Variants in EXOC6B observed in about 807,000 individuals in gnomAD.
EXOC6B encodes the protein SEC15 homolog B.
A neutral mutation model predicts 113.5 loss-of-function variants in EXOC6B; 54 were observed. That is an observed-to-expected ratio of 0.48 (90% CI 0.38 to 0.60). EXOC6B has a LOEUF of 0.60. Among genes scored for constraint, EXOC6B ranks in the 20% least tolerant of loss-of-function variants. The pLI, the probability that EXOC6B is intolerant of heterozygous loss-of-function variation, is 0.00. For missense variants in EXOC6B, 797 were observed against 977.5 expected, an observed-to-expected ratio of 0.82 and a Z score of 2.46; for synonymous variants, 357 against 339.0, an observed-to-expected ratio of 1.05 and a Z score of -0.58.
At chr2:72,591,403 A>G (rs1705950104) in intron 6 of EXOC6B, among the ~76,000 whole-genome samples, 1 of 152,142 alleles carries the variant, frequency 6.6e-6, no homozygotes, top group Admixed American at 6.5e-5. Context: ...GAGACACACA[A>G]TATTAAGAAA....
At chr2:72,790,961 TG>T (rs1302872778) in intron 1 of EXOC6B, among the ~76,000 whole-genome samples, 1 of 151,886 alleles carries the variant, frequency 6.6e-6, no homozygotes, top group African/African-American at 2.4e-5. Flanking sequence ...AAGGGGAGGA[TG>T]GGGAGCCATG....
intron 17 of EXOC6B, among the ~76,000 whole-genome samples, chr2:72,469,694 C>T (rs926425185): frequency 2.6e-5 from 4 of 151,792 alleles, no homozygotes; most frequent in Admixed American, 2.0e-4. Context: ...GAACATGGTG[C>T]GTCTTGGTGA....
chr2:72,201,260 CT>C (rs1679473591), intron 20 of EXOC6B, among the ~76,000 whole-genome samples: 1 of 152,038 alleles, frequency 6.6e-6, no homozygotes, highest in Non-Finnish European at 1.5e-5. Flanking sequence ...CAGAAGTATA[CT>C]TAAATATACT....
chr2:72,367,460 G>A (rs1420151933), intron 19 of EXOC6B, among the ~76,000 whole-genome samples: 2 of 152,116 alleles, frequency 1.3e-5, no homozygotes, highest in Non-Finnish European at 2.9e-5. Context: ...GGAATAAGAT[G>A]GTAGAATATA....
In EXOC6B at chr2:72,560,507, TATTTCATA is replaced by T. The variant is rs574495746; in HGVS notation, c.847-994_847-987del. 1.1e-3 allele frequency among the ~76,000 whole-genome samples: 170 copies of T among 152,262 alleles called. 2 individuals carry two copies. In the South Asian group the frequency reaches 0.022, roughly 20 times the overall value. ...TCATAATTACAAGGTCATTTTCCCTTATTTCATAAAGTAAACCTCATTTCTTCTTTTGG... is the reference window on the plus strand; with the variant it reads ...TCATAATTACAAGGTCATTTTCCCTTAAGTAAACCTCATTTCTTCTTTTGG... On this transcript the variant is annotated intron_variant, in intron 7 of 21. Transcript: ENST00000272427.
intron 6 of EXOC6B, among the ~76,000 whole-genome samples, chr2:72,590,123 G>A (rs1238718308): frequency 6.6e-6 from 1 of 151,924 alleles, no homozygotes; most frequent in Non-Finnish European, 1.5e-5. Flanking sequence ...TAATGTTGTG[G>A]ATAGAAGTCA....
intron 8 of EXOC6B, among the ~76,000 whole-genome samples, chr2:72,557,105 C>T (rs754892998): frequency 6.0e-5 from 9 of 151,058 alleles, no homozygotes; most frequent in East Asian, 1.9e-4. Flanking sequence ...AGATCCATAG[C>T]GCAACATCAT....
chr2:72,257,398 A>G (rs1405845805), intron 20 of EXOC6B, among the ~76,000 whole-genome samples: 4 of 152,204 alleles, frequency 2.6e-5, no homozygotes, highest in Admixed American at 2.6e-4. Flanking sequence ...CAAACAGACA[A>G]TATTAGTATT....
At chr2:72,618,483 C>G (rs1181346105) in intron 6 of EXOC6B, among the ~76,000 whole-genome samples, 1 of 152,130 alleles carries the variant, frequency 6.6e-6, no homozygotes, top group Non-Finnish European at 1.5e-5. Flanking sequence ...CCCACCTATA[C>G]CCTTCTTCAA....
chr2:72,394,864 A>G lies in EXOC6B; in HGVS notation c.1981-14994T>C, dbSNP rs565192008. Reference sequence around the variant, plus strand: ...GTTCTCTCTTACTACACACATTTACAGTCACTGGCTTGGTTTCAAGACACA... The same window carrying G: ...GTTCTCTCTTACTACACACATTTACGGTCACTGGCTTGGTTTCAAGACACA... On this transcript the variant is annotated intron_variant, in intron 18 of 21. Coordinates refer to ENST00000272427, the MANE Select transcript of EXOC6B (RefSeq NM_015189.3). Among the ~76,000 whole-genome samples, 21 of 152,174 alleles carry G rather than the reference A, an allele frequency of 1.4e-4. No homozygotes were observed. In the South Asian group the frequency reaches 3.7e-3, roughly 27 times the overall value.
intron 15 of EXOC6B, among the ~76,000 whole-genome samples, chr2:72,494,697 G>T (rs529129936): frequency 6.6e-6 from 1 of 152,224 alleles, no homozygotes; most frequent in Non-Finnish European, 1.5e-5. Flanking sequence ...ATCCTCATTT[G>T]TGTTTGGCTT....
chr2:72,255,050 A>G (rs1683271421), intron 20 of EXOC6B, among the ~76,000 whole-genome samples: 1 of 152,222 alleles, frequency 6.6e-6, no homozygotes, highest in African/African-American at 2.4e-5. Flanking sequence ...TATGCTGTGG[A>G]TATCAAGCCA....
At chr2:72,195,339 C>T (rs1679102463) in intron 20 of EXOC6B, among the ~76,000 whole-genome samples, 1 of 152,154 alleles carries the variant, frequency 6.6e-6, no homozygotes, top group South Asian at 2.1e-4. Context: ...TATTATCACA[C>T]TGGCTGATAA....
At chr2:72,585,952 C>A (rs929674791) in intron 6 of EXOC6B, among the ~76,000 whole-genome samples, 2 of 152,068 alleles carry the variant, frequency 1.3e-5, no homozygotes, top group Non-Finnish European at 2.9e-5. Context: ...AGCCACACAC[C>A]TACAACCATC....
At chr2:72,662,570 C>T (rs548610290) in intron 6 of EXOC6B, among the ~76,000 whole-genome samples, 1 of 152,248 alleles carries the variant, frequency 6.6e-6, no homozygotes, top group Admixed American at 6.5e-5. Flanking sequence ...TGCTCAAGAT[C>T]CTTAGCCATT....
chr2:72,310,633 A>T (rs1015064561), intron 20 of EXOC6B, among the ~76,000 whole-genome samples: 1 of 147,702 alleles, frequency 6.8e-6, no homozygotes, highest in African/African-American at 2.6e-5. Flanking sequence ...AGTTTTTAAT[A>T]AAAAAAAAGC....
chr2:72,752,457 A>G (rs1437490512), intron 1 of EXOC6B, among the ~76,000 whole-genome samples: 1 of 151,736 alleles, frequency 6.6e-6, no homozygotes, highest in Non-Finnish European at 1.5e-5. Context: ...AACACAGCCC[A>G]TTATTTTAAA....
chr2:72,796,105 G>T (rs979349881), intron 1 of EXOC6B, among the ~76,000 whole-genome samples: 1 of 150,632 alleles, frequency 6.6e-6, no homozygotes, highest in African/African-American at 2.4e-5. Context: ...TTACAGGCGT[G>T]AGCCACCAAG....
chr2:72,301,660 G>A (rs919249436), intron 20 of EXOC6B, among the ~76,000 whole-genome samples: 5 of 152,098 alleles, frequency 3.3e-5, no homozygotes, highest in Admixed American at 2.0e-4. Context: ...GTCTCTGATG[G>A]TTATTTGTAT....
Sources: allele counts gnomAD v4.1 joint callset (sites outside exome capture counted in the v4.1 genomes callset), GRCh38; gene constraint gnomAD v4.1.1; transcripts MANE v1.5; gene names NCBI Gene and HGNC (gene_info 2026-07-23, HGNC 2026-07-21).